FAM120B: variants seen among roughly 807,000 people sequenced by gnomAD.
The protein encoded by FAM120B is family with sequence similarity 120 member B, also known as constitutive coactivator of peroxisome proliferator-activated receptor gamma.
In FAM120B, 83 loss-of-function variants were observed where a neutral mutation model predicts 96.3. That is an observed-to-expected ratio of 0.86 (90% CI 0.72 to 1.03). The LOEUF is 1.03. Among genes scored for constraint, FAM120B ranks in the 50% least tolerant of loss-of-function variants. The pLI, the probability that FAM120B is intolerant of heterozygous loss-of-function variation, is 0.00. For missense variants in FAM120B, 1,027 were observed against 1,121.2 expected (o/e 0.92, Z 1.20); for synonymous variants, 407 against 402.7 (o/e 1.01, Z -0.13).
At chr6:170,392,979 C>T (rs1427450802) in intron 8 of FAM120B, among the ~76,000 whole-genome samples, 2 of 152,174 alleles carry the variant, frequency 1.3e-5, no homozygotes, top group Non-Finnish European at 2.9e-5. Context: ...GTGTGATACT[C>T]TCTCACATTG....
intron 1 of FAM120B, among the ~76,000 whole-genome samples, chr6:170,299,995 G>C (rs1784106769): frequency 6.6e-6 from 1 of 152,212 alleles, no homozygotes; most frequent in South Asian, 2.1e-4. Context: ...AAACACTTCA[G>C]CAGCATTTAA....
chr6:170,313,365 G>A (rs1784709534), intron 1 of FAM120B, among the ~76,000 whole-genome samples: 1 of 152,160 alleles, frequency 6.6e-6, no homozygotes, highest in South Asian at 2.1e-4. Context: ...AAGCCATGGG[G>A]GAACATCACT....
At chr6:170,312,088 G>A (rs1341003774) in intron 1 of FAM120B, among the ~76,000 whole-genome samples, 4 of 152,178 alleles carry the variant, frequency 2.6e-5, no homozygotes, top group Non-Finnish European at 5.9e-5. Flanking sequence ...GTGACATCAT[G>A]AGTTGGGAAT....
In FAM120B at chr6:170,370,704, A is replaced by G. The variant is rs1407531043; in HGVS notation, c.2283+12386A>G. ...CAGATATTACCTCACCGCATTTCTTATAAAGATTCGCCTTCTAACACCTTT... is the reference window on the plus strand; with the variant it reads ...CAGATATTACCTCACCGCATTTCTTGTAAAGATTCGCCTTCTAACACCTTT... On this transcript the variant is annotated intron_variant, in intron 6 of 10. Transcript: ENST00000476287. The surrounding 1 kb of genome is among the most constrained non-coding windows in gnomAD (Gnocchi z 4.3). Among the ~76,000 whole-genome samples, 1 of 152,178 alleles carries G rather than the reference A, an allele frequency of 6.6e-6. No homozygotes were observed. The highest frequency in any genetic ancestry group is 1.5e-5 in the Non-Finnish European group (1 of 68,026).
chr6:170,326,932 A>G (rs1202792980), intron 3 of FAM120B, among the ~76,000 whole-genome samples: 3 of 151,956 alleles, frequency 2.0e-5, no homozygotes, highest in African/African-American at 4.8e-5. Context: ...TTTTGAAGAG[A>G]TAGGATCTCG....
At chr6:170,300,903 T>C (rs1262818287) in intron 1 of FAM120B, among the ~76,000 whole-genome samples, 1 of 151,988 alleles carries the variant, frequency 6.6e-6, no homozygotes, top group African/African-American at 2.4e-5. Context: ...AACCCCCCCC[T>C]CCTGGCTGCC....
At chr6:170,391,435 T>C (rs1167127837) in intron 8 of FAM120B, among the ~76,000 whole-genome samples, 1 of 152,020 alleles carries the variant, frequency 6.6e-6, no homozygotes, top group Non-Finnish European at 1.5e-5. Flanking sequence ...CTTGGGAGGC[T>C]GAGGAAGGAG....
chr6:170,296,924 G>A (rs1784026442), intron 1 of FAM120B, among the ~76,000 whole-genome samples: 1 of 152,344 alleles, frequency 6.6e-6, no homozygotes, highest in East Asian at 1.9e-4. Context: ...AAAAGGCGCT[G>A]AGAGGGGCGA....
chr6:170,323,580 G>A (rs1177937031), intron 3 of FAM120B, among the ~76,000 whole-genome samples: 1 of 152,182 alleles, frequency 6.6e-6, no homozygotes, highest in African/African-American at 2.4e-5. Context: ...CTTTCCTCCT[G>A]TAGGGGAGAG....
chr6:170,375,101 C>T (rs574975897), intron 6 of FAM120B, among the ~76,000 whole-genome samples: 1 of 152,348 alleles, frequency 6.6e-6, no homozygotes, highest in African/African-American at 2.4e-5. Context: ...CAGTTCAGGG[C>T]TCCCTCTGCT....
intron 6 of FAM120B, among the ~76,000 whole-genome samples, chr6:170,358,796 C>T (rs1788143351): frequency 6.6e-6 from 1 of 152,174 alleles, no homozygotes; most frequent in Non-Finnish European, 1.5e-5. Flanking sequence ...TCCGCAGCCT[C>T]TATTGTTTGT....
At position 170,330,367 on chromosome 6, in the gene FAM120B, C is replaced by G. The variant is rs1785932312; in HGVS notation, c.1916-82C>G. On this transcript the variant is annotated intron_variant, in intron 3 of 10. Transcript: ENST00000476287. The stretch of plus-strand genomic sequence containing the variant: ...GAGAGCTCACCTTTGAATTGGCCAC[C>G]TGGGCAGAGCTGGGTCTGTGACACT... 4.7e-6 allele frequency: 5 copies of G among 1,054,428 alleles called. No individual in the cohort carries two copies. The East Asian group carries it at 1.2e-4, about 26-fold the overall frequency. The allele number at this position is 1,054,428 out of a possible 1,614,324, so 65.3% of individuals were successfully genotyped here.
chr6:170,330,693 GT>G (rs1213299945), intron 4 of FAM120B, 143 bp downstream of exon 4: 8 of 662,536 alleles, frequency 1.2e-5, no homozygotes, highest in Non-Finnish European at 2.1e-5. Flanking sequence ...CATGATTAAT[GT>G]ATCCATCTAA....
chr6:170,334,010 T>C (rs1395484204), intron 4 of FAM120B, among the ~76,000 whole-genome samples: 3 of 152,162 alleles, frequency 2.0e-5, no homozygotes, highest in African/African-American at 7.2e-5. Context: ...CCTGACGTTC[T>C]CCATTCTGTG....
chr6:170,318,895 A>T lies in FAM120B; in HGVS notation c.1505A>T (p.His502Leu), dbSNP rs141508700. Residue 502 changes from histidine to leucine, a missense_variant, in exon 2 of 11, where the codon CAT (histidine) becomes CTT (leucine). His to Leu is a moderately conservative substitution (Grantham distance 99, BLOSUM62 -3). This residue lies in a region of FAM120B where 880 missense variants were observed against 980.9 expected (regional missense o/e 0.90). Transcript: ENST00000476287. ...ESRQEIMCTG[H>L]ESKQEVPICT... ...AGGCAAGAAATTATGTGTACAGGCC[A>T]TGAATCCAAACAGGAAGTTCCCATA... 14 of 1,614,108 alleles carry T rather than the reference A, an allele frequency of 8.7e-6. No homozygotes were observed. Among genetic ancestry groups the T allele is most frequent in the Non-Finnish European group, 1.2e-5 (14 of 1,180,036 alleles).
intron 5 of FAM120B, among the ~76,000 whole-genome samples, chr6:170,353,763 A>T (rs772047564): frequency 2.0e-5 from 3 of 152,234 alleles, no homozygotes; most frequent in Non-Finnish European, 4.4e-5. Context: ...TGCTCAAAGA[A>T]ATCAGAGAGG....
intron 6 of FAM120B, among the ~76,000 whole-genome samples, chr6:170,384,260 A>G (rs1480529557): frequency 2.0e-5 from 3 of 152,212 alleles, no homozygotes; most frequent in Admixed American, 6.5e-5. Context: ...CACTGATGCC[A>G]GCTTCCTGGT....
intron 6 of FAM120B, among the ~76,000 whole-genome samples, chr6:170,372,002 G>A (rs1179268279): frequency 3.9e-5 from 6 of 152,136 alleles, no homozygotes; most frequent in Non-Finnish European, 8.8e-5. Context: ...GAAAAAATAA[G>A]CGTGAAAGTA....
chr6:170,373,619 C>G (rs1052515235), intron 6 of FAM120B, among the ~76,000 whole-genome samples: 2 of 152,148 alleles, frequency 1.3e-5, no homozygotes, highest in Non-Finnish European at 2.9e-5. Context: ...TCACAAGTCC[C>G]AAGGTTACCG....
Sources: allele counts gnomAD v4.1 joint callset (sites outside exome capture counted in the v4.1 genomes callset), GRCh38; gene constraint gnomAD v4.1.1; regional missense constraint gnomAD v4.1.1; non-coding constraint Gnocchi (gnomAD v3.1); transcripts MANE v1.5; gene names NCBI Gene and HGNC (gene_info 2026-07-23, HGNC 2026-07-21).